Variants in EXOC6B observed in about 807,000 individuals in gnomAD.
EXOC6B encodes the protein exocyst complex component 6B.
A neutral mutation model predicts 113.5 loss-of-function variants in EXOC6B; 54 were observed. The observed-to-expected ratio is 0.48, with a 90% CI of 0.38 to 0.60. EXOC6B has a LOEUF of 0.60. Among genes scored for constraint, EXOC6B ranks in the 20% least tolerant of loss-of-function variants. The pLI, the probability that EXOC6B is intolerant of heterozygous loss-of-function variation, is 0.00. For missense variants in EXOC6B, 797 were observed against 977.5 expected, an observed-to-expected ratio of 0.82 and a Z score of 2.46; for synonymous variants, 357 against 339.0, an observed-to-expected ratio of 1.05 and a Z score of -0.58.
At chr2:72,817,117 T>G (rs558018128) in intron 1 of EXOC6B, among the ~76,000 whole-genome samples, 2 of 152,326 alleles carry the variant, frequency 1.3e-5, no homozygotes, top group Admixed American at 6.5e-5. Context: ...TTTACCCAAA[T>G]GTACAATTTC....
At chr2:72,532,657 A>T (rs1027130600) in intron 8 of EXOC6B, among the ~76,000 whole-genome samples, 31 of 152,064 alleles carry the variant, frequency 2.0e-4, no homozygotes, top group African/African-American at 6.0e-4. Flanking sequence ...AAAATACAAA[A>T]AGTAGCCAGG....
intron 18 of EXOC6B, among the ~76,000 whole-genome samples, chr2:72,401,816 T>C (rs999639016): frequency 6.8e-6 from 1 of 147,970 alleles, no homozygotes; most frequent in African/African-American, 2.5e-5. Flanking sequence ...AGAAACATTA[T>C]AGCATAAATA....
intron 1 of EXOC6B, among the ~76,000 whole-genome samples, chr2:72,778,128 T>A (rs745454564): frequency 3.9e-5 from 6 of 152,152 alleles, no homozygotes; most frequent in Non-Finnish European, 8.8e-5. Flanking sequence ...ACTCTCCAAT[T>A]AAAAGGCAGA....
At chr2:72,811,363 A>G (rs1177196803) in intron 1 of EXOC6B, among the ~76,000 whole-genome samples, 2 of 152,180 alleles carry the variant, frequency 1.3e-5, no homozygotes, top group African/African-American at 2.4e-5. Context: ...AATGAAATAA[A>G]CCAATTCCTC....
intron 8 of EXOC6B, among the ~76,000 whole-genome samples, chr2:72,537,084 T>C (rs1338789761): frequency 6.6e-6 from 1 of 152,218 alleles, no homozygotes; most frequent in Non-Finnish European, 1.5e-5. Context: ...TGTGTATGTT[T>C]TGCTGATTTT....
intron 6 of EXOC6B, among the ~76,000 whole-genome samples, chr2:72,671,795 G>GAAAGAAAGAAAGAAAGAAAGAA (rs1675874354): frequency 1.8e-5 from 2 of 114,244 alleles, no homozygotes; most frequent in African/African-American, 7.0e-5. Flanking sequence ...AAGAAAGAAA[G>GAAAGAAAGAAAGAAAGAAAGAA]AAAGAAAGAA....
intron 20 of EXOC6B, among the ~76,000 whole-genome samples, chr2:72,194,893 C>T (rs1679077587): frequency 6.6e-6 from 1 of 152,108 alleles, no homozygotes. Flanking sequence ...GTCTGAACTC[C>T]TCTTCTTTTC....
chr2:72,212,370 A>T (rs1428128693), intron 20 of EXOC6B, among the ~76,000 whole-genome samples: 2 of 152,192 alleles, frequency 1.3e-5, no homozygotes, highest in Non-Finnish European at 2.9e-5. Context: ...CATAGAGATA[A>T]ATCTGAGTTT....
chr2:72,765,796 C>G (rs890740041), intron 1 of EXOC6B, among the ~76,000 whole-genome samples: 1 of 152,090 alleles, frequency 6.6e-6, no homozygotes, highest in Admixed American at 6.6e-5. Flanking sequence ...TCACTTTTTC[C>G]CCCTCAAGGT....
intron 18 of EXOC6B, among the ~76,000 whole-genome samples, chr2:72,403,199 C>T (rs1281960769): frequency 6.6e-6 from 1 of 152,200 alleles, no homozygotes; most frequent in African/African-American, 2.4e-5. Flanking sequence ...GGGGTTTAGA[C>T]AGTCTATTGT....
At chr2:72,392,058 T>C (rs1193860669) in intron 18 of EXOC6B, among the ~76,000 whole-genome samples, 1 of 152,222 alleles carries the variant, frequency 6.6e-6, no homozygotes, top group Non-Finnish European at 1.5e-5. Context: ...TATTTCATTC[T>C]TTTTTTAAAA....
chr2:72,226,890 C>G (rs1681278372), intron 20 of EXOC6B, among the ~76,000 whole-genome samples: 1 of 152,154 alleles, frequency 6.6e-6, no homozygotes, highest in South Asian at 2.1e-4. Context: ...ATGTCAAAAG[C>G]AAAAACAAGT....
At chr2:72,362,120 A>G (rs1690351802) in intron 19 of EXOC6B, among the ~76,000 whole-genome samples, 1 of 152,168 alleles carries the variant, frequency 6.6e-6, no homozygotes, top group African/African-American at 2.4e-5. Flanking sequence ...CTTTCAAAAG[A>G]ATTAAACCAA....
Position 72,686,470 on chromosome 2 carries a change from T to C in EXOC6B, c.669+31633A>G, listed in dbSNP as rs554007110. Among the ~76,000 whole-genome samples, 3 of 152,310 alleles carry C rather than the reference T, an allele frequency of 2.0e-5. No individual in the cohort carries two copies. The East Asian group carries it at 5.8e-4, about 29-fold the overall frequency. On this transcript the variant is annotated intron_variant, in intron 6 of 21. Transcript: ENST00000272427. ...GATATCTTAGAATGTACAATTATTATCTGATATTCCTAAAAGCAAAACAAC... is the reference window on the plus strand; with the variant it reads ...GATATCTTAGAATGTACAATTATTACCTGATATTCCTAAAAGCAAAACAAC...
intron 6 of EXOC6B, among the ~76,000 whole-genome samples, chr2:72,638,577 C>CA (rs1185135040): frequency 5.3e-5 from 8 of 152,148 alleles, no homozygotes; most frequent in African/African-American, 1.9e-4. Context: ...GTTCCTGGCC[C>CA]ACAATAGCCC....
chr2:72,304,729 C>A (rs6723380), intron 20 of EXOC6B, among the ~76,000 whole-genome samples: 31,892 of 152,064 alleles, frequency 0.21, 6,300 homozygotes, highest in African/African-American at 0.53. Context: ...GTGCATTCAG[C>A]AGAGCCCTGT....
At chr2:72,281,980 G>T (rs1172398009) in intron 20 of EXOC6B, among the ~76,000 whole-genome samples, 2 of 151,978 alleles carry the variant, frequency 1.3e-5, no homozygotes, top group Non-Finnish European at 2.9e-5. Flanking sequence ...GAAGACAATG[G>T]AACTACATAT....
At chr2:72,384,336 C>G (rs200901801) in intron 18 of EXOC6B, among the ~76,000 whole-genome samples, 1 of 151,858 alleles carries the variant, frequency 6.6e-6, no homozygotes, top group East Asian at 1.9e-4. Flanking sequence ...AAAAAAAGCT[C>G]TCAACGAATT....
chr2:72,548,371 A>G (rs568621720), intron 8 of EXOC6B, among the ~76,000 whole-genome samples: 88 of 152,336 alleles, frequency 5.8e-4, no homozygotes, highest in South Asian at 2.1e-3. Context: ...CAGCAAAGCC[A>G]TAAAAGGGGG....
Sources: allele counts gnomAD v4.1 joint callset (sites outside exome capture counted in the v4.1 genomes callset), GRCh38; gene constraint gnomAD v4.1.1; transcripts MANE v1.5; gene names NCBI Gene and HGNC (gene_info 2026-07-23, HGNC 2026-07-21).